Variants in TAFA1 observed in about 807,000 individuals in gnomAD.
TAFA1 encodes chemokine-like protein TAFA-1.
Under a neutral mutation model 18.5 loss-of-function variants are expected in TAFA1, and 4 were observed. The ratio of observed to expected loss-of-function variants is 0.22; its 90% CI spans 0.11 to 0.49. The LOEUF (loss-of-function observed/expected upper bound fraction) is 0.49, where lower values mean the gene tolerates loss of function less well. Ranked by LOEUF, TAFA1 falls within the 20% of genes least tolerant of loss-of-function variation. The probability of loss-of-function intolerance (pLI) is 0.98; values close to 1 mark genes in which losing one functional copy is unlikely to be tolerated. For synonymous variants in TAFA1, 56 were observed against 55.2 expected (o/e 1.01, Z -0.06); for missense variants, 147 against 169.0 (o/e 0.87, Z 0.72).
chr3:68,414,032 C>T (rs137927064), intron 2 of TAFA1, among the ~76,000 whole-genome samples: 32 of 152,158 alleles, frequency 2.1e-4, no homozygotes, highest in South Asian at 8.3e-4. Context: ...CGGCTGGGCA[C>T]GGTGGCTCAC....
intron 2 of TAFA1, among the ~76,000 whole-genome samples, chr3:68,034,461 A>T (rs1705003468): frequency 1.3e-5 from 2 of 152,188 alleles, no homozygotes; most frequent in African/African-American, 4.8e-5. Flanking sequence ...GTAGTGTCAC[A>T]CACTTAGCAA....
At chr3:68,498,716 T>G (rs1335130656) in intron 3 of TAFA1, among the ~76,000 whole-genome samples, 1 of 133,724 alleles carries the variant, frequency 7.5e-6, no homozygotes, top group Admixed American at 8.4e-5. Context: ...CAAAGCCGTT[T>G]GGTGGCTTTT....
intron 2 of TAFA1, among the ~76,000 whole-genome samples, chr3:68,383,883 A>C (rs1040944650): frequency 2.0e-5 from 3 of 152,218 alleles, no homozygotes; most frequent in Middle Eastern, 6.8e-3. Flanking sequence ...CAGGGATTCA[A>C]CTTCTTCCTG....
At chr3:68,469,638 A>C (rs535036352) in intron 3 of TAFA1, among the ~76,000 whole-genome samples, 1 of 152,250 alleles carries the variant, frequency 6.6e-6, no homozygotes, top group Non-Finnish European at 1.5e-5. Context: ...GCACCACTGC[A>C]CTCCAGCCTG....
intron 2 of TAFA1, among the ~76,000 whole-genome samples, chr3:68,176,879 G>A (rs2066133156): frequency 1.3e-5 from 2 of 152,122 alleles, no homozygotes; most frequent in Non-Finnish European, 1.5e-5. Context: ...CAACCTGGGA[G>A]TAGATTGTTT....
At chr3:68,086,433 T>A (rs907754797) in intron 2 of TAFA1, among the ~76,000 whole-genome samples, 1 of 152,208 alleles carries the variant, frequency 6.6e-6, no homozygotes, top group Non-Finnish European at 1.5e-5. Context: ...GCATGTGTAT[T>A]TTGTATGTCT....
chr3:68,472,563 C>G (rs560434639), intron 3 of TAFA1, among the ~76,000 whole-genome samples: 39 of 151,384 alleles, frequency 2.6e-4, no homozygotes, highest in African/African-American at 9.5e-4. Flanking sequence ...GAAATTTGAA[C>G]AAGATAAGTA....
At chr3:68,412,636 A>T (rs2070738473) in intron 2 of TAFA1, among the ~76,000 whole-genome samples, 1 of 151,948 alleles carries the variant, frequency 6.6e-6, no homozygotes, top group Non-Finnish European at 1.5e-5. Flanking sequence ...GTTTGGTTTT[A>T]TGTCCTTGTG....
At chr3:68,256,720 G>C (rs747077600) in intron 2 of TAFA1, among the ~76,000 whole-genome samples, 2 of 152,102 alleles carry the variant, frequency 1.3e-5, no homozygotes, top group Non-Finnish European at 2.9e-5. Context: ...TAAGACTGGA[G>C]GGTTAATTAT....
At chr3:68,378,642 T>G (rs262194) in intron 2 of TAFA1, among the ~76,000 whole-genome samples, 92,464 of 151,756 alleles carry the variant, frequency 0.61, 28,924 homozygotes, top group East Asian at 1. Flanking sequence ...TTTGGGAGGG[T>G]CTAAGAGCAG....
intron 2 of TAFA1, among the ~76,000 whole-genome samples, chr3:68,408,666 A>T (rs1012203378): frequency 2.0e-5 from 3 of 150,622 alleles, no homozygotes; most frequent in African/African-American, 7.3e-5. Flanking sequence ...TCATTTAATC[A>T]TTTAGTAAAT....
At chr3:68,003,645 A>C (rs1329191355), upstream of TAFA1, among the ~76,000 whole-genome samples, 2 of 120,446 alleles carry the variant, frequency 1.7e-5, no homozygotes, top group Non-Finnish European at 4.0e-5. Context: ...AGTAAGAGGA[A>C]GAAGATGTTG....
At chr3:68,224,597 T>A (rs1489826095) in intron 2 of TAFA1, among the ~76,000 whole-genome samples, 1 of 152,058 alleles carries the variant, frequency 6.6e-6, no homozygotes, top group Non-Finnish European at 1.5e-5. Flanking sequence ...CCATACACAG[T>A]TGGTAGCAAA....
At chr3:68,303,524 T>C (rs1575761369) in intron 2 of TAFA1, among the ~76,000 whole-genome samples, 1 of 152,078 alleles carries the variant, frequency 6.6e-6, no homozygotes, top group Admixed American at 6.6e-5. Context: ...CACTGCAAGC[T>C]CTGCCTGCCA....
chr3:68,417,208 A>C, intron 2 of TAFA1, 72 bp from the exon 3 acceptor site: 1 of 1,319,964 alleles, frequency 7.6e-7, no homozygotes, highest in South Asian at 1.3e-5. Flanking sequence ...ACCCCGCTAC[A>C]TGCACTCCCA....
chr3:68,085,917 T>G (rs765325449), intron 2 of TAFA1, among the ~76,000 whole-genome samples: 8 of 152,246 alleles, frequency 5.3e-5, no homozygotes, highest in Non-Finnish European at 8.8e-5. Context: ...GTGCCCAACA[T>G]GGAAGGTTCT....
intron 2 of TAFA1, among the ~76,000 whole-genome samples, chr3:68,105,595 A>G (rs975979201): frequency 2.0e-5 from 3 of 152,162 alleles, no homozygotes; most frequent in Admixed American, 6.6e-5. Context: ...AGAATCAAGT[A>G]TTTACTTTGT....
chr3:68,131,747 T>G (rs967945213), intron 2 of TAFA1, among the ~76,000 whole-genome samples: 8 of 152,218 alleles, frequency 5.3e-5, no homozygotes, highest in Middle Eastern at 3.2e-3. Flanking sequence ...GTTCAGCTTT[T>G]AGAGCCCAAG....
intron 3 of TAFA1, among the ~76,000 whole-genome samples, chr3:68,517,589 T>C (rs1434392654): frequency 6.6e-6 from 1 of 152,138 alleles, no homozygotes; most frequent in Non-Finnish European, 1.5e-5. Context: ...ATCTGATAGA[T>C]TTCTGTACTG....
Sources: gnomAD v4.1 joint callset for allele counts (sites outside exome capture counted in the v4.1 genomes callset) on GRCh38, gnomAD v4.1.1 for gene constraint, MANE v1.5 for transcripts, NCBI Gene and HGNC (gene_info 2026-07-23, HGNC 2026-07-21) for gene names.